The following GRIN2A variants were observed in gnomAD, a reference collection of about 807,000 sequenced individuals.
The protein encoded by GRIN2A is glutamate receptor ionotropic, NMDA 2A.
In GRIN2A, 22 loss-of-function variants were observed where a neutral mutation model predicts 113.4. The ratio of observed to expected loss-of-function variants is 0.19; its 90% CI spans 0.14 to 0.28. The LOEUF (loss-of-function observed/expected upper bound fraction) is 0.28. GRIN2A is among the 10% of genes least tolerant of loss of function. GRIN2A has a pLI of 1.00. For synonymous variants in GRIN2A, 827 were observed against 738.4 expected, an observed-to-expected ratio of 1.12 and a Z score of -1.94; for missense variants, 1,502 against 1,887.0, an observed-to-expected ratio of 0.80 and a Z score of 3.78.
intron 2 of GRIN2A, among the ~76,000 whole-genome samples, chr16:10,000,767 G>A (rs751063085): frequency 5.3e-5 from 8 of 151,942 alleles, no homozygotes; most frequent in Non-Finnish European, 1.0e-4. Flanking sequence ...CTTCTCTTCC[G>A]CTGCTGTCTT....
In GRIN2A at chr16:9,943,559, G is replaced by T. The variant is rs191734245; in HGVS notation, c.415-5008C>A. Among the ~76,000 whole-genome samples, 425 of 152,266 alleles carry T rather than the reference G, an allele frequency of 2.8e-3. 8 individuals carry two copies. The highest frequency in any genetic ancestry group is 0.025 in the Admixed American group (380 of 15,296). Reference sequence around the variant, plus strand: ...TACATTCCATTTACCCATTCATAAAGGTTACAAAGCCCATCCACACCCATT... The same window carrying T: ...TACATTCCATTTACCCATTCATAAATGTTACAAAGCCCATCCACACCCATT... On this transcript the variant is annotated intron_variant, in intron 2 of 12. Transcript: ENST00000330684.
intron 2 of GRIN2A, among the ~76,000 whole-genome samples, chr16:10,100,277 T>C (rs764921338): frequency 2.6e-5 from 4 of 152,100 alleles, no homozygotes; most frequent in African/African-American, 9.7e-5. Flanking sequence ...CATGATCGGG[T>C]TTGCATTTTG....
intron 2 of GRIN2A, among the ~76,000 whole-genome samples, chr16:9,971,994 C>A (rs1400413035): frequency 7.1e-6 from 1 of 141,836 alleles, no homozygotes; most frequent in Non-Finnish European, 1.6e-5. Context: ...AAGAGCCAAC[C>A]TCTTTCTGGC....
intron 2 of GRIN2A, among the ~76,000 whole-genome samples, chr16:10,037,615 T>C (rs2047059895): frequency 6.6e-6 from 1 of 152,148 alleles, no homozygotes; most frequent in African/African-American, 2.4e-5. Flanking sequence ...TCTACTCCTA[T>C]TTCTTTTATT....
chr16:10,030,765 T>C (rs1463582470), intron 2 of GRIN2A, among the ~76,000 whole-genome samples: 1 of 152,190 alleles, frequency 6.6e-6, no homozygotes, highest in Non-Finnish European at 1.5e-5. Flanking sequence ...AAGTGCAGGG[T>C]GATCATCTAT....
chr16:10,113,243 GC>G (rs930911572), intron 2 of GRIN2A, among the ~76,000 whole-genome samples: 4 of 151,582 alleles, frequency 2.6e-5, no homozygotes, highest in South Asian at 2.1e-4. Flanking sequence ...CCTGCCCCCA[GC>G]CCCCCCAGGA....
chr16:9,793,358 G>C (rs928667202), intron 11 of GRIN2A, among the ~76,000 whole-genome samples: 9 of 152,032 alleles, frequency 5.9e-5, no homozygotes, highest in African/African-American at 2.2e-4. Context: ...TGACCTTTAT[G>C]GTCTTTCTTC....
At chr16:9,899,800 A>G (rs2043881883) in intron 3 of GRIN2A, among the ~76,000 whole-genome samples, 1 of 152,178 alleles carries the variant, frequency 6.6e-6, no homozygotes, top group South Asian at 2.1e-4. Flanking sequence ...TAAATGAAAA[A>G]ATGAATGAGC....
chr16:10,035,036 C>A (rs1013846483), intron 2 of GRIN2A, among the ~76,000 whole-genome samples: 1 of 151,816 alleles, frequency 6.6e-6, no homozygotes. Flanking sequence ...TTTCTTTTAA[C>A]GTGTTTAGAG....
Position 10,111,549 on chromosome 16 carries a change from C to A in GRIN2A, c.414+68449G>T, listed in dbSNP as rs564406588. Reference sequence around the variant, plus strand: ...AGGTAGACCTAACTTCAGCCCTGACCCGGAAGATCATGCTGAAGACACCAC... The same window carrying A: ...AGGTAGACCTAACTTCAGCCCTGACACGGAAGATCATGCTGAAGACACCAC... On this transcript the variant is annotated intron_variant, in intron 2 of 12. Transcript: ENST00000330684. 23 of 792,794 alleles carry A rather than the reference C, an allele frequency of 2.9e-5. No individual in the cohort carries two copies. The East Asian group carries it at 5.6e-4, about 19-fold the overall frequency. 49.1% of individuals were successfully genotyped at this position (792,794 alleles called of 1,614,324 possible).
At chr16:10,179,306 G>A (rs1298047921) in intron 2 of GRIN2A, among the ~76,000 whole-genome samples, 1 of 152,108 alleles carries the variant, frequency 6.6e-6, no homozygotes, top group Non-Finnish European at 1.5e-5. Flanking sequence ...AACACGTAAG[G>A]AAAATGCCAG....
chr16:9,777,178 T>C (rs2267776), intron 11 of GRIN2A, among the ~76,000 whole-genome samples: 54,241 of 152,004 alleles, frequency 0.36, 10,991 homozygotes, highest in East Asian at 0.55. Context: ...CCTTTCTCTC[T>C]TCCCTGTGGT....
intron 2 of GRIN2A, among the ~76,000 whole-genome samples, chr16:9,968,161 C>T (rs188750946): frequency 7.6e-4 from 115 of 152,156 alleles, no homozygotes; most frequent in African/African-American, 2.6e-3. Context: ...TTAATCTCCC[C>T]GACACTCCCC....
intron 2 of GRIN2A, among the ~76,000 whole-genome samples, chr16:10,005,301 A>T (rs1367007264): frequency 6.6e-6 from 1 of 152,240 alleles, no homozygotes; most frequent in Non-Finnish European, 1.5e-5. Flanking sequence ...TACCCTTAAA[A>T]GTTGATTTCT....
chr16:10,157,974 T>C (rs2049735123), intron 2 of GRIN2A, among the ~76,000 whole-genome samples: 1 of 152,082 alleles, frequency 6.6e-6, no homozygotes, highest in Non-Finnish European at 1.5e-5. Context: ...TGATATACCA[T>C]TCTCTTTTAA....
At chr16:9,914,904 GCTTTTTTTTTTTTTTTTTTTTTTT>G (rs1198189110) in intron 3 of GRIN2A, among the ~76,000 whole-genome samples, 35 of 48,716 alleles carry the variant, frequency 7.2e-4, no homozygotes, top group African/African-American at 2.4e-3. Context: ...TGATTATGCA[GCTTTTTTTTTTTTTTTTTTTTTTT>G]TTTTTTTTTT....
intron 2 of GRIN2A, among the ~76,000 whole-genome samples, chr16:10,066,368 A>G (rs536151415): frequency 2.6e-4 from 40 of 152,230 alleles, no homozygotes; most frequent in African/African-American, 9.6e-4. Context: ...CAACTTATTT[A>G]TCTCTGTCAT....
chr16:10,090,670 A>G (rs2142080462), intron 2 of GRIN2A, among the ~76,000 whole-genome samples: 1 of 152,352 alleles, frequency 6.6e-6, no homozygotes, highest in East Asian at 1.9e-4. Flanking sequence ...TTTACTAGAC[A>G]TAAATGAAAA....
intron 2 of GRIN2A, among the ~76,000 whole-genome samples, chr16:10,043,015 G>C (rs2047193072): frequency 6.6e-6 from 1 of 152,128 alleles, no homozygotes. Flanking sequence ...GAAATAATAA[G>C]TTTATACATC....
Sources: allele counts gnomAD v4.1 joint callset (sites outside exome capture counted in the v4.1 genomes callset), GRCh38; gene constraint gnomAD v4.1.1; transcripts MANE v1.5; gene names NCBI Gene and HGNC (gene_info 2026-07-23, HGNC 2026-07-21).